The following DKK4 variants were observed in gnomAD, a reference collection of about 807,000 sequenced individuals.
DKK4 encodes dickkopf Wnt signaling pathway inhibitor 4.
DKK4 carries 15 observed loss-of-function variants against 14.5 expected under a neutral mutation model. The observed-to-expected ratio is 1.03, with a 90% CI of 0.69 to 1.59. The LOEUF is 1.59. Among genes scored for constraint, DKK4 ranks in the 40% most tolerant of loss-of-function variants. The pLI, the probability that DKK4 is intolerant of heterozygous loss-of-function variation, is 0.00. For missense variants in DKK4, 272 were observed against 280.3 expected (o/e 0.97, Z 0.21); for synonymous variants, 89 against 105.2 (o/e 0.85, Z 0.94).
At chr8:42,380,963 GAAAA>G (rs756060977), upstream of DKK4, among the ~76,000 whole-genome samples, 9 of 152,132 alleles carry the variant, frequency 5.9e-5, no homozygotes, top group Middle Eastern at 3.4e-3. Flanking sequence ...GAAAGAGAAA[GAAAA>G]AGAAAGACAC....
At chr8:42,377,931 C>T (rs986071222), upstream of DKK4, among the ~76,000 whole-genome samples, 8 of 152,184 alleles carry the variant, frequency 5.3e-5, no homozygotes, top group African/African-American at 1.2e-4. Context: ...CAATTCAGTA[C>T]GAAGCTTTGG....
At chr8:42,378,260 AT>A (rs946664684), upstream of DKK4, among the ~76,000 whole-genome samples, 3 of 152,094 alleles carry the variant, frequency 2.0e-5, no homozygotes, top group Non-Finnish European at 2.9e-5. Context: ...TCTAAAATGC[AT>A]TTTTTCTATG....
Position 42,375,673 on chromosome 8 carries a change from C to A in DKK4, c.262+7G>T. 6.2e-7 allele frequency: 1 copy of A among 1,612,910 alleles called. No individual in the cohort carries two copies. The highest frequency in any genetic ancestry group is 8.5e-7 in the Non-Finnish European group (1 of 1,179,982). ...TTAAAAACCACTGTTGGCGTTATGT[C>A]GCTCACCGTTCACACAGAGTGTCCC... On this transcript the variant is annotated splice_region_variant and intron_variant, in intron 2 of 3. Transcript: ENST00000220812.
At chr8:42,381,091 G>A (rs1297027042), upstream of DKK4, among the ~76,000 whole-genome samples, 4 of 151,984 alleles carry the variant, frequency 2.6e-5, no homozygotes, top group African/African-American at 7.3e-5. Context: ...TCATTGCCCC[G>A]ATGACAATGA....
chr8:42,387,451 G>A, the DKK4 span, among the ~76,000 whole-genome samples: 2 of 136,858 alleles, frequency 1.5e-5, no homozygotes, highest in South Asian at 2.4e-4. Context: ...ACCACCTCCC[G>A]GGTTCAAGTT....
At chr8:42,384,359 T>C in the DKK4 span, among the ~76,000 whole-genome samples, 1 of 152,166 alleles carries the variant, frequency 6.6e-6, no homozygotes, top group Non-Finnish European at 1.5e-5. Flanking sequence ...CCCAGGCTGG[T>C]CTTGAACTCT....
rs1191681083 is a variant in DKK4 at position 42,375,683 on chromosome 8, TCACA to T, written c.255_258del (p.Cys85Ter). The T allele has an allele frequency of 6.2e-7, 1 of 1,613,314 alleles. No individual in the cohort carries two copies. The highest frequency in any genetic ancestry group is 2.2e-5 in the East Asian group (1 of 44,882). Reference sequence around the variant, plus strand: ...CTGTTGGCGTTATGTCGCTCACCGTTCACACAGAGTGTCCCAGGGCAGCACATGG... The same window carrying T: ...CTGTTGGCGTTATGTCGCTCACCGTTCAGAGTGTCCCAGGGCAGCACATGG... On this transcript the variant is annotated frameshift_variant, in exon 2 of 4. Transcript: ENST00000220812. LOFTEE classifies it high-confidence loss of function.
At chr8:42,379,378 TAGAGAGAGAGAGAGAGAGAG>T (rs537441477), upstream of DKK4, among the ~76,000 whole-genome samples, 22 of 34,556 alleles carry the variant, frequency 6.4e-4, 1 homozygote, top group African/African-American at 1.4e-3. Flanking sequence ...TATATATATA[TAGAGAGAGAGAGAGAGAGAG>T]AGAGAGAGAG....
chr8:42,388,595 G>T, the DKK4 span, among the ~76,000 whole-genome samples: 2 of 151,086 alleles, frequency 1.3e-5, no homozygotes, highest in African/African-American at 2.4e-5. Flanking sequence ...TTTTTGAGAC[G>T]GAGTCTCACT....
chr8:42,374,739 A>G, intron 3 of DKK4, 22 bp downstream of exon 3: 2 of 1,613,634 alleles, frequency 1.2e-6, no homozygotes, highest in Admixed American at 1.7e-5. Flanking sequence ...GAAATAAAAT[A>G]TGCTGCGAAT....
At chr8:42,385,234 A>G in the DKK4 span, among the ~76,000 whole-genome samples, 1 of 152,004 alleles carries the variant, frequency 6.6e-6, no homozygotes, top group Non-Finnish European at 1.5e-5. Context: ...TCTACAAAAA[A>G]TAGAAAAATT....
chr8:42,390,643 T>G, the DKK4 span, among the ~76,000 whole-genome samples: 3 of 152,158 alleles, frequency 2.0e-5, no homozygotes, highest in Non-Finnish European at 4.4e-5. Context: ...GATTACAGGC[T>G]GCTTCCTTTA....
chr8:42,383,671 G>A, the DKK4 span, among the ~76,000 whole-genome samples: 8 of 152,180 alleles, frequency 5.3e-5, no homozygotes, highest in Non-Finnish European at 1.0e-4. Context: ...GGCCGGGCAC[G>A]GTGGCTCACA....
the DKK4 span, among the ~76,000 whole-genome samples, chr8:42,387,172 A>G: frequency 1.3e-5 from 2 of 152,052 alleles, no homozygotes; most frequent in African/African-American, 2.4e-5. Context: ...CAGCTCTAAA[A>G]TTCTGATTCT....
At chr8:42,389,324 G>A in the DKK4 span, among the ~76,000 whole-genome samples, 1 of 152,204 alleles carries the variant, frequency 6.6e-6, no homozygotes, top group Non-Finnish European at 1.5e-5. Flanking sequence ...TGGAAACTGA[G>A]GCAGAGAGAG....
At chr8:42,391,299 G>A in the DKK4 span, among the ~76,000 whole-genome samples, 1 of 148,882 alleles carries the variant, frequency 6.7e-6, no homozygotes. Context: ...GCGCAGGCGG[G>A]CGGATCACTT....
chr8:42,385,313 G>A, the DKK4 span, among the ~76,000 whole-genome samples: 1 of 152,034 alleles, frequency 6.6e-6, no homozygotes, highest in African/African-American at 2.4e-5. Context: ...GATCGCTTGA[G>A]CCTAGGAGGT....
chr8:42,381,832 T>C (rs1361679401), upstream of DKK4, among the ~76,000 whole-genome samples: 2 of 152,100 alleles, frequency 1.3e-5, no homozygotes, highest in East Asian at 3.9e-4. Flanking sequence ...ACTCCATCTC[T>C]ACTAAAATAC....
the DKK4 span, among the ~76,000 whole-genome samples, chr8:42,384,615 C>T: frequency 1.3e-5 from 2 of 152,070 alleles, no homozygotes; most frequent in African/African-American, 4.8e-5. Context: ...CAAAGAAAGC[C>T]ACCTGCAGCT....
Sources: allele counts gnomAD v4.1 joint callset (sites outside exome capture counted in the v4.1 genomes callset), GRCh38; gene constraint gnomAD v4.1.1; transcripts MANE v1.5; gene names NCBI Gene and HGNC (gene_info 2026-07-23, HGNC 2026-07-21).